HACE1: variants seen among roughly 807,000 people sequenced by gnomAD.
HACE1 encodes E3 ubiquitin-protein ligase HACE1.
A neutral mutation model predicts 118.4 loss-of-function variants in HACE1; 73 were observed. That is an observed-to-expected ratio of 0.62 (90% CI 0.51 to 0.75). The LOEUF (loss-of-function observed/expected upper bound fraction) is 0.75, where lower values mean the gene tolerates loss of function less well. Ranked by LOEUF, HACE1 falls within the 30% of genes least tolerant of loss-of-function variation. The probability of loss-of-function intolerance (pLI) is 0.00; values close to 1 mark genes in which losing one functional copy is unlikely to be tolerated. For missense variants in HACE1, 749 were observed against 1,102.2 expected, an observed-to-expected ratio of 0.68 and a Z score of 4.54; for synonymous variants, 368 against 374.8, an observed-to-expected ratio of 0.98 and a Z score of 0.21.
chr6:104,792,146 G>GT (rs1783089628), intron 10 of HACE1, among the ~76,000 whole-genome samples: 1 of 152,004 alleles, frequency 6.6e-6, no homozygotes. Context: ...CCACAGAATA[G>GT]TAACAAATTA....
rs1777112556 is a variant in HACE1 at position 104,859,616 on chromosome 6, G to A, written c.27C>T (p.Asn9=). MERAMEQL[N]RLTRSLRRAR... Reference sequence around the variant, plus strand: ...CGCGGCGCAGCGAGCGCGTCAGGCGGTTGAGTTGCTCCATCGCTCTCTCCA... The same window carrying A: ...CGCGGCGCAGCGAGCGCGTCAGGCGATTGAGTTGCTCCATCGCTCTCTCCA... Residue 9 remains asparagine (N), a synonymous_variant, in exon 1 of 24, where the codon AAC becomes AAT. Coordinates refer to ENST00000262903, the MANE Select transcript of HACE1 (RefSeq NM_020771.4). 1 of 1,532,294 alleles carries A rather than the reference G, an allele frequency of 6.5e-7. No homozygotes were observed. The highest frequency in any genetic ancestry group is 8.7e-7 in the Non-Finnish European group (1 of 1,143,134). The allele number at this position is 1,532,294 out of a possible 1,614,324, so 94.9% of individuals were successfully genotyped here.
chr6:104,838,716 C>T (rs1487509833), intron 5 of HACE1, among the ~76,000 whole-genome samples: 7 of 151,062 alleles, frequency 4.6e-5, no homozygotes, highest in Non-Finnish European at 1.0e-4. Flanking sequence ...CAAAAGTAAC[C>T]AAAGCAAAAA....
intron 19 of HACE1, among the ~76,000 whole-genome samples, chr6:104,768,020 C>T (rs1030427106): frequency 1.3e-5 from 2 of 152,060 alleles, no homozygotes; most frequent in African/African-American, 4.8e-5. Flanking sequence ...GCAAAAGAGG[C>T]CATATCTAAC....
intron 11 of HACE1, among the ~76,000 whole-genome samples, chr6:104,790,395 T>TA (rs34383392): frequency 1.3e-5 from 2 of 152,222 alleles, no homozygotes; most frequent in Non-Finnish European, 2.9e-5. Flanking sequence ...AAGTGGCACA[T>TA]AAAAACATTT....
intron 19 of HACE1, among the ~76,000 whole-genome samples, chr6:104,756,551 T>C (rs938827978): frequency 8.6e-5 from 13 of 151,636 alleles, no homozygotes; most frequent in African/African-American, 3.1e-4. Flanking sequence ...ATTCAGTCAT[T>C]GAAAATAGTG....
At chr6:104,787,698 T>C (rs920061043) in intron 11 of HACE1, among the ~76,000 whole-genome samples, 1 of 152,186 alleles carries the variant, frequency 6.6e-6, no homozygotes, top group Non-Finnish European at 1.5e-5. Context: ...AGATGAGCAC[T>C]GAGTCTAAAC....
At chr6:104,827,959 A>G (rs1460058298) in intron 6 of HACE1, among the ~76,000 whole-genome samples, 1 of 152,160 alleles carries the variant, frequency 6.6e-6, no homozygotes, top group East Asian at 1.9e-4. Flanking sequence ...TTTATTTTTA[A>G]ATAAATTACA....
At position 104,788,577 on chromosome 6, in the gene HACE1, A is replaced by G. The variant is rs147591378; in HGVS notation, c.1074+2927T>C. 5.5e-4 allele frequency among the ~76,000 whole-genome samples: 84 copies of G among 152,268 alleles called. No individual in the cohort carries two copies. The East Asian group carries it at 0.014, about 25-fold the overall frequency. ...TGTCAAATGCCACAACCCACAAGAT[A>G]AGATCTTGAAGTTAAAAGTTTCACA... On this transcript the variant is annotated intron_variant, in intron 11 of 23. Transcript: ENST00000262903.
Position 104,771,227 on chromosome 6 carries a change from C to G in HACE1, c.2177G>C (p.Gly726Ala). 6.2e-7 allele frequency: 1 copy of G among 1,613,522 alleles called. No homozygotes were observed. Among genetic ancestry groups the G allele is most frequent in the Non-Finnish European group, 8.5e-7 (1 of 1,179,522 alleles). Residue 726 changes from glycine (G) to alanine (A), a missense_variant, in exon 19 of 24, where the codon GGG becomes GCG. By Grantham distance (60) the Gly-to-Ala change is moderately conservative. Transcript: ENST00000262903. ...TTGTGTCACAAGAATACTCCCACCC[C>G]CAGGTTTCAAAGGCACCTCTTCCAT... is the stretch of plus-strand genomic sequence containing the variant. ...GAMEEVPLKP[G>A]GGSILVTQNN...
At chr6:104,786,834 A>C (rs540361284) in intron 11 of HACE1, 5 of 152,164 alleles carry the variant, frequency 3.3e-5, no homozygotes, top group South Asian at 2.1e-4. Flanking sequence ...TACAAACTAC[A>C]CCATGTGCTA....
At position 104,785,078 on chromosome 6, in the gene HACE1, G is replaced by C; in HGVS notation, c.1316C>G (p.Ala439Gly). 6.2e-7 allele frequency: 1 copy of C among 1,613,736 alleles called. No individual in the cohort carries two copies. The highest frequency in any genetic ancestry group is 8.5e-7 in the Non-Finnish European group (1 of 1,179,786). Residue 439 changes from alanine to glycine, a missense_variant, in exon 12 of 24, where the codon GCA becomes GGA. Physicochemically the swap from Ala to Gly is moderately conservative, Grantham distance 60. Around this residue, in one of 5 missense-constraint regions of HACE1, gnomAD observed 267 missense variants for 312.2 expected, o/e 0.86. Coordinates refer to ENST00000262903, the MANE Select transcript of HACE1 (RefSeq NM_020771.4). The part of the protein sequence containing the change: ...DALAGRQEAS[A>G]DCQDVISMTA... ...CATAGAAATAACATCCTGACAATCTGCACTGGCTTCCTGTCTCCCTGCAAG... is the reference window on the plus strand; with the variant it reads ...CATAGAAATAACATCCTGACAATCTCCACTGGCTTCCTGTCTCCCTGCAAG...
intron 7 of HACE1, among the ~76,000 whole-genome samples, chr6:104,799,344 T>C (rs1212687120): frequency 6.6e-6 from 1 of 152,188 alleles, no homozygotes; most frequent in Non-Finnish European, 1.5e-5. Flanking sequence ...ATGACCAAAT[T>C]AGGCAAACAC....
intron 3 of HACE1, among the ~76,000 whole-genome samples, chr6:104,849,449 A>G (rs905852745): frequency 6.7e-6 from 1 of 148,366 alleles, no homozygotes; most frequent in African/African-American, 2.5e-5. Context: ...CAATCCTCCC[A>G]CCTCAGCCTC....
chr6:104,771,082 A>G (rs1780554369), intron 19 of HACE1, 111 bp downstream of exon 19: 2 of 757,056 alleles, frequency 2.6e-6, no homozygotes, highest in Non-Finnish European at 4.8e-6. Flanking sequence ...ATCTGCTATG[A>G]TACTGTAATA....
chr6:104,856,411 T>C (rs1267433689), intron 1 of HACE1, among the ~76,000 whole-genome samples: 1 of 151,978 alleles, frequency 6.6e-6, no homozygotes, highest in Admixed American at 6.6e-5. Flanking sequence ...TTACATACAC[T>C]AACAACATAC....
chr6:104,787,744 T>TA (rs1782598735), intron 11 of HACE1, among the ~76,000 whole-genome samples: 2 of 151,974 alleles, frequency 1.3e-5, no homozygotes, highest in African/African-American at 4.8e-5. Context: ...TGACAATGTG[T>TA]AAAAAATGAA....
intron 19 of HACE1, among the ~76,000 whole-genome samples, chr6:104,759,576 A>T (rs1003712682): frequency 6.6e-6 from 1 of 152,212 alleles, no homozygotes; most frequent in Non-Finnish European, 1.5e-5. Flanking sequence ...TTTTAGCACT[A>T]AACGCCCACA....
chr6:104,850,378 A>G (rs548200063), intron 3 of HACE1, among the ~76,000 whole-genome samples: 14 of 152,320 alleles, frequency 9.2e-5, no homozygotes, highest in South Asian at 4.1e-4. Flanking sequence ...AAATACTTCA[A>G]AGAAACCATA....
rs542461769 is a variant in HACE1, at chr6:104,813,243, T to A, written c.535-1850A>T. On this transcript the variant is annotated intron_variant, in intron 6 of 23. Coordinates refer to ENST00000262903, the MANE Select transcript of HACE1 (RefSeq NM_020771.4). ...TGGCTCATGCCTGTAATTCTAAGAC[T>A]TTGGAAAACCAAGGTGGAAAGATCA... Among the ~76,000 whole-genome samples the A allele has an allele frequency of 8.7e-5, 12 of 138,120 alleles. 1 individual carries two copies. Among genetic ancestry groups the A allele is most frequent in the African/African-American group, 2.6e-4 (9 of 34,670 alleles). 90.6% of individuals were successfully genotyped at this position (138,120 alleles called of 152,430 possible). A position where few individuals can be genotyped will look rare whatever the true frequency, so the allele number is the denominator to read the frequency against.
Sources: gnomAD v4.1 joint callset for allele counts (sites outside exome capture counted in the v4.1 genomes callset) on GRCh38, gnomAD v4.1.1 for gene constraint, gnomAD v4.1.1 regional missense constraint, MANE v1.5 for transcripts, NCBI Gene and HGNC (gene_info 2026-07-23, HGNC 2026-07-21) for gene names.